The following SMARCD2 variants were observed in gnomAD, a reference collection of about 807,000 sequenced individuals.
The protein encoded by SMARCD2 is SWI/SNF-related matrix-associated actin-dependent regulator of chromatin subfamily D member 2.
A neutral mutation model predicts 70.4 loss-of-function variants in SMARCD2; 39 were observed. The observed-to-expected ratio is 0.55, with a 90% CI of 0.43 to 0.72. The LOEUF is 0.72. Among genes scored for constraint, SMARCD2 ranks in the 30% least tolerant of loss-of-function variants. The pLI is 0.00. For synonymous variants in SMARCD2, 249 were observed against 279.4 expected (o/e 0.89, Z 1.08); for missense variants, 540 against 713.4 (o/e 0.76, Z 2.77).
At position 63,832,116 on chromosome 17, in the gene SMARCD2, C is replaced by A; in HGVS notation, c.*822G>T. The A allele has an allele frequency of 2.3e-6, 2 of 882,560 alleles. No individual in the cohort carries two copies. Among genetic ancestry groups the A allele is most frequent in the Admixed American group, 2.2e-5 (1 of 44,614 alleles). 54.7% of individuals were successfully genotyped at this position (882,560 alleles called of 1,614,324 possible). A position where few individuals can be genotyped will look rare whatever the true frequency, so the allele number is the denominator to read the frequency against. On this transcript the variant is annotated 3_prime_UTR_variant, in exon 13 of 13. Coordinates refer to ENST00000448276, the MANE Select transcript of SMARCD2 (RefSeq NM_001098426.2). ...AAGGATTTATTTGGAAATTTCCAAA[C>A]CTGCCAGATGTGGCACTCGCCAAGC...
At chr17:63,838,293 C>T (rs549896954) in intron 1 of SMARCD2, among the ~76,000 whole-genome samples, 1 of 152,152 alleles carries the variant, frequency 6.6e-6, no homozygotes, top group African/African-American at 2.4e-5. Flanking sequence ...ATAGCCCCCA[C>T]CCACAGCCCA....
In SMARCD2 at chr17:63,832,237, A is replaced by G. The variant is rs939897134; in HGVS notation, c.*701T>C. On this transcript the variant is annotated 3_prime_UTR_variant, in exon 13 of 13. Transcript: ENST00000448276. ...CCTGGCCTCCACATGCACATACCCC[A>G]TACCTCAGGCCATGCTAGAGAACTG... 16 of 524,444 alleles carry G rather than the reference A, an allele frequency of 3.1e-5. No homozygotes were observed. The African/African-American group carries it at 3.1e-4, about 10-fold the overall frequency. 32.5% of individuals were successfully genotyped at this position (524,444 alleles called of 1,614,324 possible). A position where few individuals can be genotyped will look rare whatever the true frequency, so the allele number is the denominator to read the frequency against.
At position 63,833,187 on chromosome 17, in the gene SMARCD2, G is replaced by A. The variant is rs750705931; in HGVS notation, c.1441-17C>T. 3.7e-6 allele frequency: 6 copies of A among 1,608,722 alleles called. No homozygotes were observed. Among genetic ancestry groups the A allele is most frequent in the East Asian group, 2.2e-5 (1 of 44,718 alleles). Reference sequence around the variant, plus strand: ...AGTGATGATCTGCAAAGAGCCAGGAGGAAAGCCATAGCATAATCCCCACCC... The same window carrying A: ...AGTGATGATCTGCAAAGAGCCAGGAAGAAAGCCATAGCATAATCCCCACCC... On this transcript the variant is annotated splice_polypyrimidine_tract_variant and intron_variant, in intron 11 of 12. Coordinates refer to ENST00000448276, the MANE Select transcript of SMARCD2 (RefSeq NM_001098426.2). The surrounding 1 kb of genome is among the most constrained non-coding windows in gnomAD (Gnocchi z 4.3).
In SMARCD2 at chr17:63,832,991, C is replaced by T. The variant is rs1418971613; in HGVS notation, c.1543G>A (p.Val515Met). 1 of 1,586,892 alleles carries T rather than the reference C, an allele frequency of 6.3e-7. No homozygotes were observed. The highest frequency in any genetic ancestry group is 2.3e-5 in the East Asian group (1 of 43,496). ...TCCAGTTCCTGCCTTCGCTGCTGCA[C>T]CTGGAGAAGGGAGAAACCAAGTGGC... ...EAVGRHIFAK[V>M]QQRRQELEQV... Residue 515 changes from valine to methionine, a missense_variant and splice_region_variant, in exon 13 of 13, where the codon GTG becomes ATG. Transcript: ENST00000448276.
rs757494062 is a variant in SMARCD2 at position 63,834,494 on chromosome 17, G to A, written c.901C>T (p.Leu301=). Residue 301 remains leucine (L), a synonymous_variant, in exon 7 of 13, where the codon CTG becomes TTG. Coordinates refer to ENST00000448276, the MANE Select transcript of SMARCD2 (RefSeq NM_001098426.2). The surrounding 1 kb of genome is among the most constrained non-coding windows in gnomAD (Gnocchi z 5.6). ...GTCACCTGATGATCCAGCATGAGCA[G>A]GAGGGTGCACTTGACGTTGAGGTCT... ...PGDLNVKCTL[L]LMLDHQPPQY... The A allele has an allele frequency of 1.2e-5, 19 of 1,600,126 alleles. No homozygotes were observed. The highest frequency in any genetic ancestry group is 1.5e-5 in the Non-Finnish European group (18 of 1,170,276).
intron 1 of SMARCD2, chr17:63,838,461 T>C: frequency 1.5e-6 from 1 of 657,314 alleles, no homozygotes. Flanking sequence ...CAGCCAGGAC[T>C]GGCTCTGGCT....
At position 63,833,250 on chromosome 17, in the gene SMARCD2, A is replaced by G. The variant is rs989669126; in HGVS notation, c.1440+48T>C. The G allele has an allele frequency of 6.8e-6, 11 of 1,612,938 alleles. No individual in the cohort carries two copies. In the South Asian group the frequency reaches 9.9e-5, roughly 14 times the overall value. On this transcript the variant is annotated intron_variant, in intron 11 of 12. Coordinates refer to ENST00000448276, the MANE Select transcript of SMARCD2 (RefSeq NM_001098426.2). The surrounding 1 kb of genome is among the most constrained non-coding windows in gnomAD (Gnocchi z 4.3). ...ACCCTGGGAACTGCTGTGGGTAAAA[A>G]TCACCCAGAGCTTTACATAGGAGTC...
chr17:63,835,351 T>C, intron 5 of SMARCD2, 61 bp downstream of exon 5: 3 of 1,537,532 alleles, frequency 2.0e-6, no homozygotes, highest in South Asian at 1.2e-5. Context: ...TCAAACTCCT[T>C]GGTCTCAGTC....
intron 4 of SMARCD2, among the ~76,000 whole-genome samples, chr17:63,835,818 T>G (rs991981885): frequency 6.6e-6 from 1 of 151,806 alleles, no homozygotes; most frequent in Non-Finnish European, 1.5e-5. Context: ...AACCTCTGAC[T>G]CCCAGGTTCA....
chr17:63,836,476 G>T (rs1171433589), intron 4 of SMARCD2, among the ~76,000 whole-genome samples: 1 of 143,372 alleles, frequency 7.0e-6, no homozygotes, highest in African/African-American at 2.6e-5. Flanking sequence ...TCCAGCTTAG[G>T]TGAAAGAGCG....
intron 1 of SMARCD2, chr17:63,839,258 T>G (rs1598360339): frequency 1.0e-6 from 1 of 985,106 alleles, no homozygotes; most frequent in Non-Finnish European, 1.2e-6. Flanking sequence ...AGGGAAGAAC[T>G]GAAGCAGTGG....
intron 1 of SMARCD2, 159 bp downstream of exon 1, chr17:63,842,300 C>A (rs1227709033): frequency 1.4e-5 from 16 of 1,133,714 alleles, no homozygotes; most frequent in Non-Finnish European, 6.5e-6. Context: ...ACTTCTCCAC[C>A]GCGACCCGCC....
rs567958292 is a variant in SMARCD2, at chr17:63,834,353, G to C, written c.922-25C>G. The C allele has an allele frequency of 1.2e-6, 2 of 1,605,004 alleles. No individual in the cohort carries two copies. The highest frequency in any genetic ancestry group is 2.2e-5 in the South Asian group (2 of 90,732). On this transcript the variant is annotated intron_variant, in intron 7 of 12. Coordinates refer to ENST00000448276, the MANE Select transcript of SMARCD2 (RefSeq NM_001098426.2). This position sits in a 1 kb window ranked among gnomAD's most constrained non-coding sequence, Gnocchi z 5.6. ...GCTGGAGTTGGATGGAGGGGAGTCA[G>C]AACGGGTTCTTATAGTAGAACAGTG...
chr17:63,833,592 CATCAAGGGAGG>C lies in SMARCD2; in HGVS notation c.1301_1311del (p.Ala434GlyfsTer5). The stretch of plus-strand genomic sequence containing the variant: ...TGTGGAGCCAGAGGGCCCACCTTGA[CATCAAGGGAGG>C]CGATCTCCTGCTGATTGGTGGTAGA... On this transcript the variant is annotated frameshift_variant, in exon 10 of 13. Coordinates refer to ENST00000448276, the MANE Select transcript of SMARCD2 (RefSeq NM_001098426.2). LOFTEE classifies it high-confidence loss of function. The surrounding 1 kb of genome is among the most constrained non-coding windows in gnomAD (Gnocchi z 4.3). 1 of 1,614,010 alleles carries C rather than the reference CATCAAGGGAGG, an allele frequency of 6.2e-7. No homozygotes were observed. The highest frequency in any genetic ancestry group is 8.5e-7 in the Non-Finnish European group (1 of 1,179,880).
In SMARCD2 at chr17:63,833,791, G is replaced by C; in HGVS notation, c.1182-69C>G. 1 of 1,601,888 alleles carries C rather than the reference G, an allele frequency of 6.2e-7. No homozygotes were observed. Among genetic ancestry groups the C allele is most frequent in the Middle Eastern group, 1.7e-4 (1 of 6,032 alleles). On this transcript the variant is annotated intron_variant, in intron 9 of 12. Coordinates refer to ENST00000448276, the MANE Select transcript of SMARCD2 (RefSeq NM_001098426.2). The surrounding 1 kb of genome is among the most constrained non-coding windows in gnomAD (Gnocchi z 4.3). ...TCCTGCCCACCTGGGCCAAATCTGG[G>C]GCCCATTCTCTGCACACACTCAGGG...
chr17:63,841,841 C>T (rs1262221695), intron 1 of SMARCD2, among the ~76,000 whole-genome samples: 1 of 152,228 alleles, frequency 6.6e-6, no homozygotes, highest in South Asian at 2.1e-4. Flanking sequence ...AGGCCACCAC[C>T]GTCTCTGGTC....
Position 63,832,995 on chromosome 17 carries a change from G to T in SMARCD2, c.1543-4C>A. Reference sequence around the variant, plus strand: ...GTTCCTGCCTTCGCTGCTGCACCTGGAGAAGGGAGAAACCAAGTGGCTCAG... The same window carrying T: ...GTTCCTGCCTTCGCTGCTGCACCTGTAGAAGGGAGAAACCAAGTGGCTCAG... On this transcript the variant is annotated splice_polypyrimidine_tract_variant and splice_region_variant and intron_variant, in intron 12 of 12. Transcript: ENST00000448276. The T allele has an allele frequency of 6.3e-7, 1 of 1,586,866 alleles. No individual in the cohort carries two copies.
chr17:63,837,596 C>G lies in SMARCD2; in HGVS notation c.246G>C (p.Met82Ile). 3 of 1,613,110 alleles carry G rather than the reference C, an allele frequency of 1.9e-6. No individual in the cohort carries two copies. Among genetic ancestry groups the G allele is most frequent in the Non-Finnish European group, 2.5e-6 (3 of 1,179,678 alleles). Reference sequence around the variant, plus strand: ...GTCCCACCTGCAAGCCAGCCATGGGCATCCGGTTCCCTGGTGACATGCCAG... The same window carrying G: ...GTCCCACCTGCAAGCCAGCCATGGGGATCCGGTTCCCTGGTGACATGCCAG... The part of the protein sequence containing the change: ...QRPGMSPGNR[M>I]PMAGLQVGPP... Residue 82 changes from methionine to isoleucine, a missense_variant, in exon 2 of 13, where the codon ATG becomes ATC. Transcript: ENST00000448276. The surrounding 1 kb of genome is among the most constrained non-coding windows in gnomAD (Gnocchi z 6.4).
At position 63,833,434 on chromosome 17, in the gene SMARCD2, C is replaced by T; in HGVS notation, c.1318-14G>A. 1 of 1,613,462 alleles carries T rather than the reference C, an allele frequency of 6.2e-7. No individual in the cohort carries two copies. The highest frequency in any genetic ancestry group is 1.1e-5 in the South Asian group (1 of 91,042). On this transcript the variant is annotated splice_polypyrimidine_tract_variant and intron_variant, in intron 10 of 12. Coordinates refer to ENST00000448276, the MANE Select transcript of SMARCD2 (RefSeq NM_001098426.2). The surrounding 1 kb of genome is among the most constrained non-coding windows in gnomAD (Gnocchi z 4.3). Reference sequence around the variant, plus strand: ...GGTCTCATGGATCTGGAGAGGGTACCTGTGTCAGACTGTGCCCCCAAAGCT... The same window carrying T: ...GGTCTCATGGATCTGGAGAGGGTACTTGTGTCAGACTGTGCCCCCAAAGCT...
Sources: allele counts gnomAD v4.1 joint callset (sites outside exome capture counted in the v4.1 genomes callset), GRCh38; gene constraint gnomAD v4.1.1; non-coding constraint Gnocchi (gnomAD v3.1); transcripts MANE v1.5; gene names NCBI Gene and HGNC (gene_info 2026-07-23, HGNC 2026-07-21).